TOP3B: variants seen among roughly 807,000 people sequenced by gnomAD.
TOP3B encodes the protein DNA topoisomerase III beta, also known as DNA topoisomerase 3-beta-1.
Under a neutral mutation model 93.9 loss-of-function variants are expected in TOP3B, and 45 were observed. That is an observed-to-expected ratio of 0.48 (90% CI 0.38 to 0.61). The LOEUF is 0.61. Ranked by LOEUF, TOP3B falls within the 20% of genes least tolerant of loss-of-function variation. TOP3B has a pLI of 0.00. For missense variants in TOP3B, 750 were observed against 1,156.1 expected, an observed-to-expected ratio of 0.65 and a Z score of 5.09; for synonymous variants, 357 against 472.6, an observed-to-expected ratio of 0.76 and a Z score of 3.17.
At chr22:21,972,479 C>T in intron 4 of TOP3B, 133 bp downstream of exon 4, 1 of 645,914 alleles carries the variant, frequency 1.5e-6, no homozygotes, top group East Asian at 3.0e-5. Flanking sequence ...CAGCAGGGGG[C>T]ACTCACAGAA....
chr22:21,960,108 C>T (rs903146440), intron 14 of TOP3B: 4 of 746,946 alleles, frequency 5.4e-6, no homozygotes, highest in Non-Finnish European at 8.6e-6. Flanking sequence ...TTCCCTCACA[C>T]ATCTGTTCAG....
Position 21,968,779 on chromosome 22 carries a change from G to C in TOP3B, c.582-4C>G. Reference sequence around the variant, plus strand: ...CTGGAAATATTTAGTCTGAAACCTGGAGGGAGTGGAAAGATATTTTGGTCA... The same window carrying C: ...CTGGAAATATTTAGTCTGAAACCTGCAGGGAGTGGAAAGATATTTTGGTCA... On this transcript the variant is annotated splice_polypyrimidine_tract_variant and splice_region_variant and intron_variant, in intron 6 of 17. Coordinates refer to ENST00000357179, the MANE Select transcript of TOP3B (RefSeq NM_001282112.2). The C allele has an allele frequency of 6.2e-7, 1 of 1,614,054 alleles. No homozygotes were observed. Among genetic ancestry groups the C allele is most frequent in the African/African-American group, 1.3e-5 (1 of 75,040 alleles).
chr22:21,967,530 C>T, intron 8 of TOP3B, 73 bp downstream of exon 8: 2 of 1,138,776 alleles, frequency 1.8e-6, no homozygotes, highest in Non-Finnish European at 2.7e-6. Flanking sequence ...ACAGGCTGTT[C>T]CTCCAGCGGG....
In TOP3B at chr22:21,960,410, C is replaced by T; in HGVS notation, c.1565G>A (p.Cys522Tyr). The change falls in exon 14 of 18, where the codon TGC becomes TAC. Residue 522 changes from cysteine (C) to tyrosine (Y), a missense_variant. Transcript: ENST00000357179. ...CTCCACCGTGACATAGTTGCGCTGGCAGATGTTGTTGATATGCACAGGGAT... is the reference window on the plus strand; with the variant it reads ...CTCCACCGTGACATAGTTGCGCTGGTAGATGTTGTTGATATGCACAGGGAT... ...ASIPVHINNI[C>Y]QRNYVTVESG... 1 of 1,613,672 alleles carries T rather than the reference C, an allele frequency of 6.2e-7. No individual in the cohort carries two copies. The highest frequency in any genetic ancestry group is 8.5e-7 in the Non-Finnish European group (1 of 1,179,982).
intron 8 of TOP3B, chr22:21,965,627 G>A (rs1247912126): frequency 1.2e-5 from 3 of 242,886 alleles, no homozygotes; most frequent in Non-Finnish European, 2.4e-5. Flanking sequence ...AGTACTTTGG[G>A]AGGCTGAGGC....
chr22:21,968,588 G>C, intron 7 of TOP3B, 31 bp downstream of exon 7: 2 of 1,611,398 alleles, frequency 1.2e-6, no homozygotes, highest in Non-Finnish European at 1.7e-6. Flanking sequence ...AACCCAGAAA[G>C]CCCCAGCATG....
chr22:21,975,740 G>A lies in TOP3B; in HGVS notation c.-31C>T. On this transcript the variant is annotated 5_prime_UTR_variant, in exon 2 of 18. Coordinates refer to ENST00000357179, the MANE Select transcript of TOP3B (RefSeq NM_001282112.2). The stretch of plus-strand genomic sequence containing the variant: ...CTCGGTCCTTCACACTCCAGTTTCG[G>A]GGCACTGGCAATGAAAAAGTTTAGA... 1 of 1,589,362 alleles carries A rather than the reference G, an allele frequency of 6.3e-7. No homozygotes were observed.
intron 1 of TOP3B, among the ~76,000 whole-genome samples, chr22:21,979,137 C>A (rs929555627): frequency 1.3e-5 from 2 of 151,692 alleles, no homozygotes; most frequent in African/African-American, 4.8e-5. Context: ...ATGGGAGAGT[C>A]CAGGTGAGTA....
At chr22:21,962,694 T>C (rs2071241512) in intron 12 of TOP3B, 53 bp downstream of exon 12, 2 of 1,610,392 alleles carry the variant, frequency 1.2e-6, no homozygotes, top group Non-Finnish European at 1.7e-6. Context: ...CGATGTAGAA[T>C]GTTTGTCTGC....
intron 1 of TOP3B, among the ~76,000 whole-genome samples, chr22:21,980,598 G>A (rs1055351063): frequency 1.3e-5 from 2 of 152,218 alleles, no homozygotes; most frequent in Non-Finnish European, 2.9e-5. Context: ...CCCCTTAAAT[G>A]TACAACCATC....
intron 1 of TOP3B, among the ~76,000 whole-genome samples, chr22:21,979,632 G>C (rs369374352): frequency 2.0e-5 from 3 of 152,086 alleles, no homozygotes; most frequent in African/African-American, 7.2e-5. Context: ...CAACAGGGAG[G>C]TGGTTAAATA....
At chr22:21,980,444 G>C (rs1378697267) in intron 1 of TOP3B, among the ~76,000 whole-genome samples, 1 of 152,192 alleles carries the variant, frequency 6.6e-6, no homozygotes, top group Non-Finnish European at 1.5e-5. Flanking sequence ...CAGGGGAAGA[G>C]GTCCAAGGTC....
At chr22:21,976,306 T>G (rs893623119) in intron 1 of TOP3B, 1 of 152,376 alleles carries the variant, frequency 6.6e-6, no homozygotes, top group African/African-American at 2.4e-5. Flanking sequence ...GTCCTTCTGA[T>G]CCATGATGGG....
Position 21,971,103 on chromosome 22 carries a change from C to T in TOP3B, c.385-697G>A, listed in dbSNP as rs990320445. On this transcript the variant is annotated intron_variant, in intron 5 of 17. Transcript: ENST00000357179. This position sits in a 1 kb window ranked among gnomAD's most constrained non-coding sequence, Gnocchi z 4.6. ...CCATGAGCTGCCCCCATTCTCCATT[C>T]CCAGATGCAAAGGCCCCCAGGGAGG... 7.8e-7 allele frequency: 1 copy of T among 1,280,986 alleles called. No homozygotes were observed. The highest frequency in any genetic ancestry group is 1.0e-6 in the Non-Finnish European group (1 of 970,378). The allele number at this position is 1,280,986 out of a possible 1,614,324, so 79.4% of individuals were successfully genotyped here. A position where few individuals can be genotyped will look rare whatever the true frequency, so the allele number is the denominator to read the frequency against.
chr22:21,974,336 A>G (rs1601856800), intron 3 of TOP3B, 21 bp downstream of exon 3: 2 of 1,609,518 alleles, frequency 1.2e-6, no homozygotes, highest in African/African-American at 2.7e-5. Flanking sequence ...CTTCAGTAGG[A>G]TGGAGGGTAG....
chr22:21,962,517 G>A lies in TOP3B; in HGVS notation c.1437C>T (p.Gly479=), dbSNP rs750102865. The change falls in exon 13 of 18, where the codon GGC becomes GGT. Residue 479 remains glycine, a synonymous_variant. Transcript: ENST00000357179. ...TCTGCTTCTCCAGCATCTTCACCTC[G>A]CCCACAGGGAAGGCATCACCCCGCT... is the stretch of plus-strand genomic sequence containing the variant. ...TCQRGDAFPV[G]EVKMLEKQTN... The A allele has an allele frequency of 1.3e-5, 21 of 1,613,598 alleles. No individual in the cohort carries two copies. The highest frequency in any genetic ancestry group is 6.7e-5 in the East Asian group (3 of 44,898).
At chr22:21,982,701 G>A (rs955173839) in intron 1 of TOP3B, 29 bp downstream of exon 1, 2 of 152,232 alleles carry the variant, frequency 1.3e-5, no homozygotes, top group East Asian at 3.8e-4. Context: ...CTGAGCCGCC[G>A]GGCGAGGGTC....
At chr22:21,969,144 GTTTT>G in intron 6 of TOP3B, 1 of 175,920 alleles carries the variant, frequency 5.7e-6, no homozygotes, top group African/African-American at 2.4e-5. Flanking sequence ...GGTCTCTTTT[GTTTT>G]TGTAGAGACA....
intron 13 of TOP3B, chr22:21,961,942 C>A (rs114019777): frequency 1.3e-5 from 4 of 318,400 alleles, no homozygotes; most frequent in South Asian, 1.2e-4. Context: ...ACTCCCTGGG[C>A]TGCCCATTTT....
Sources: gnomAD v4.1 joint callset for allele counts (sites outside exome capture counted in the v4.1 genomes callset) on GRCh38, gnomAD v4.1.1 for gene constraint, Gnocchi (gnomAD v3.1) non-coding constraint, MANE v1.5 for transcripts, NCBI Gene and HGNC (gene_info 2026-07-23, HGNC 2026-07-21) for gene names.